ADAMTS17: variants seen among roughly 807,000 people sequenced by gnomAD.
ADAMTS17 encodes the protein A disintegrin and metalloproteinase with thrombospondin motifs 17.
Under a neutral mutation model 141.5 loss-of-function variants are expected in ADAMTS17, and 113 were observed. That is an observed-to-expected ratio of 0.80 (90% CI 0.69 to 0.93). The LOEUF (loss-of-function observed/expected upper bound fraction) is 0.93. Among genes scored for constraint, ADAMTS17 ranks in the 40% least tolerant of loss-of-function variants. The pLI is 0.00. For missense variants in ADAMTS17, 1,659 were observed against 1,517.9 expected (o/e 1.09, Z -1.54); for synonymous variants, 768 against 630.6 (o/e 1.22, Z -3.27).
At chr15:100,132,539 G>A (rs910745944) in intron 11 of ADAMTS17, among the ~76,000 whole-genome samples, 1 of 152,200 alleles carries the variant, frequency 6.6e-6, no homozygotes, top group Admixed American at 6.5e-5. Context: ...AGTTGTGTTT[G>A]CTGCTTGGCG....
chr15:100,048,301 G>A (rs887516120), intron 18 of ADAMTS17, among the ~76,000 whole-genome samples: 6 of 152,172 alleles, frequency 3.9e-5, no homozygotes, highest in Admixed American at 1.3e-4. Flanking sequence ...AGGAGGCTTA[G>A]CTGATGAACG....
At position 100,261,538 on chromosome 15, in the gene ADAMTS17, G is replaced by A. The variant is rs761043193; in HGVS notation, c.972C>T (p.Asn324=). The A allele has an allele frequency of 5.0e-6, 8 of 1,614,078 alleles. No homozygotes were observed. Among genetic ancestry groups the A allele is most frequent in the Non-Finnish European group, 6.8e-6 (8 of 1,180,052 alleles). Residue 324 remains asparagine, a synonymous_variant, in exon 6 of 22, where the codon AAC becomes AAT. Transcript: ENST00000268070. ...GGTCGTCCTTCCCGCCGGGAACCTG[G>A]TTATTGCCGAGGTATCGCGCTCCTC... The part of the protein sequence containing the change: ...EYGGARYLGN[N]QVPGGKDDPP...
intron 12 of ADAMTS17, among the ~76,000 whole-genome samples, chr15:100,117,714 C>T (rs1482995686): frequency 1.3e-5 from 2 of 152,156 alleles, no homozygotes; most frequent in East Asian, 3.9e-4. Flanking sequence ...CATGGCTCTG[C>T]CCTGTGCTTC....
At chr15:100,084,181 C>A (rs2034936822) in intron 15 of ADAMTS17, among the ~76,000 whole-genome samples, 1 of 152,214 alleles carries the variant, frequency 6.6e-6, no homozygotes, top group African/African-American at 2.4e-5. Context: ...ACAAATGGCA[C>A]ACTGGGAGAT....
intron 4 of ADAMTS17, among the ~76,000 whole-genome samples, chr15:100,273,788 ATTTTTC>A (rs778693367): frequency 7.9e-5 from 12 of 151,902 alleles, no homozygotes; most frequent in Admixed American, 2.6e-4. Context: ...ATTGTTTGAG[ATTTTTC>A]TTTTTAAGTG....
intron 3 of ADAMTS17, among the ~76,000 whole-genome samples, chr15:100,308,324 C>T (rs1262890469): frequency 2.0e-5 from 3 of 152,152 alleles, no homozygotes; most frequent in Non-Finnish European, 4.4e-5. Context: ...GGCTGCTTGC[C>T]ACAGACAACT....
intron 7 of ADAMTS17, among the ~76,000 whole-genome samples, chr15:100,247,416 C>CA (rs2043021841): frequency 6.6e-6 from 1 of 152,130 alleles, no homozygotes; most frequent in African/African-American, 2.4e-5. Flanking sequence ...TTTGACAACC[C>CA]AAAACCACCC....
intron 18 of ADAMTS17, among the ~76,000 whole-genome samples, chr15:100,042,654 G>C (rs1004547612): frequency 6.6e-6 from 1 of 152,072 alleles, no homozygotes; most frequent in Non-Finnish European, 1.5e-5. Flanking sequence ...CAAGAACTAC[G>C]ACACCCTACA....
intron 10 of ADAMTS17, among the ~76,000 whole-genome samples, chr15:100,150,764 G>A (rs896028848): frequency 6.6e-6 from 1 of 152,156 alleles, no homozygotes; most frequent in Admixed American, 6.5e-5. Flanking sequence ...AGTGGGCAGA[G>A]TGACCACTCT....
At chr15:100,020,847 A>T (rs1326681418) in intron 18 of ADAMTS17, among the ~76,000 whole-genome samples, 1 of 152,136 alleles carries the variant, frequency 6.6e-6, no homozygotes, top group Non-Finnish European at 1.5e-5. Flanking sequence ...GGGTGTTTGG[A>T]GACCATGACG....
intron 6 of ADAMTS17, among the ~76,000 whole-genome samples, chr15:100,254,960 T>C (rs145778383): frequency 2.0e-5 from 3 of 152,124 alleles, no homozygotes; most frequent in Non-Finnish European, 4.4e-5. Flanking sequence ...CATGTTTACC[T>C]ATGTAATGAA....
At chr15:100,032,543 G>A (rs1285034452) in intron 18 of ADAMTS17, among the ~76,000 whole-genome samples, 2 of 152,134 alleles carry the variant, frequency 1.3e-5, no homozygotes, top group Non-Finnish European at 2.9e-5. Context: ...AACCACTCCA[G>A]CTTCCCCTTG....
Position 100,199,303 on chromosome 15 carries a change from G to C in ADAMTS17, c.1181+15C>G, listed in dbSNP as rs1319952149. On this transcript the variant is annotated intron_variant, in intron 8 of 21. Transcript: ENST00000268070. ...GACTGAAAGAAAACAGGACGACACA[G>C]AGTCTGATACTTACTTGTGGCCCAG... 1 of 1,608,316 alleles carries C rather than the reference G, an allele frequency of 6.2e-7. No homozygotes were observed. Among genetic ancestry groups the C allele is most frequent in the East Asian group, 2.2e-5 (1 of 44,856 alleles).
chr15:100,121,069 C>G (rs7177620), intron 12 of ADAMTS17, among the ~76,000 whole-genome samples: 1 of 152,058 alleles, frequency 6.6e-6, no homozygotes, highest in South Asian at 2.1e-4. Context: ...AGTATAAGAA[C>G]TGAAATGAAA....
chr15:100,242,324 C>T (rs935472440), intron 7 of ADAMTS17, among the ~76,000 whole-genome samples: 5 of 152,176 alleles, frequency 3.3e-5, no homozygotes, highest in African/African-American at 1.2e-4. Flanking sequence ...ATGCCAGATG[C>T]AAATGAGGAC....
intron 7 of ADAMTS17, among the ~76,000 whole-genome samples, chr15:100,220,325 G>A (rs1242898075): frequency 6.6e-6 from 1 of 152,082 alleles, no homozygotes; most frequent in African/African-American, 2.4e-5. Flanking sequence ...TCCTAAGTGG[G>A]GTGGCAGCGG....
chr15:100,160,124 G>C (rs902307635), intron 8 of ADAMTS17, among the ~76,000 whole-genome samples: 1 of 152,068 alleles, frequency 6.6e-6, no homozygotes, highest in Non-Finnish European at 1.5e-5. Context: ...TCACCAAATG[G>C]ATACAGCATT....
intron 18 of ADAMTS17, among the ~76,000 whole-genome samples, chr15:100,030,202 C>T (rs2030003289): frequency 6.6e-6 from 1 of 152,150 alleles, no homozygotes; most frequent in Admixed American, 6.5e-5. Context: ...CATCCTCTTC[C>T]CAGGAAGCGG....
chr15:99,977,750 G>C (rs1199368532), intron 20 of ADAMTS17, among the ~76,000 whole-genome samples: 5 of 151,898 alleles, frequency 3.3e-5, no homozygotes. Context: ...TCCCAGGTAG[G>C]AACTGGCCAG....
Sources: allele counts gnomAD v4.1 joint callset (sites outside exome capture counted in the v4.1 genomes callset), GRCh38; gene constraint gnomAD v4.1.1; transcripts MANE v1.5; gene names NCBI Gene and HGNC (gene_info 2026-07-23, HGNC 2026-07-21).